Variants in RBPJ observed in about 807,000 individuals in gnomAD.
RBPJ encodes the protein recombining binding protein suppressor of hairless.
Under a neutral mutation model 67.8 loss-of-function variants are expected in RBPJ, and 9 were observed. That is an observed-to-expected ratio of 0.13 (90% CI 0.08 to 0.23). RBPJ has a LOEUF of 0.23. Among genes scored for constraint, RBPJ ranks in the 10% least tolerant of loss-of-function variants. The probability of loss-of-function intolerance (pLI) is 1.00; values close to 1 mark genes in which losing one functional copy is unlikely to be tolerated. For missense variants in RBPJ, 305 were observed against 595.6 expected (o/e 0.51, Z 5.08); for synonymous variants, 198 against 203.3 (o/e 0.97, Z 0.22).
At chr4:26,145,301 G>A in the RBPJ span, among the ~76,000 whole-genome samples, 3 of 152,094 alleles carry the variant, frequency 2.0e-5, no homozygotes, top group Non-Finnish European at 2.9e-5. Flanking sequence ...GCCATTTAGT[G>A]TTTAAAAACC....
intron 3 of RBPJ, among the ~76,000 whole-genome samples, chr4:26,409,080 A>G (rs1038982446): frequency 1.3e-5 from 2 of 152,168 alleles, no homozygotes; most frequent in African/African-American, 4.8e-5. Flanking sequence ...AATTGAATTC[A>G]CTTATTCTTT....
chr4:26,126,669 A>G, the RBPJ span, among the ~76,000 whole-genome samples: 1 of 152,174 alleles, frequency 6.6e-6, no homozygotes, highest in Non-Finnish European at 1.5e-5. Flanking sequence ...TCATCCCAAT[A>G]TATTCATTTA....
the RBPJ span, among the ~76,000 whole-genome samples, chr4:26,114,915 G>A: frequency 6.6e-6 from 1 of 152,048 alleles, no homozygotes; most frequent in Non-Finnish European, 1.5e-5. Context: ...TAAAAACAAA[G>A]GTAATAAATA....
intron 2 of RBPJ, among the ~76,000 whole-genome samples, chr4:26,400,884 AG>A (rs1307183209): frequency 6.6e-6 from 1 of 152,242 alleles, no homozygotes; most frequent in African/African-American, 2.4e-5. Flanking sequence ...CCTAGAATAT[AG>A]TAAGCTTCCA....
intron 1 of RBPJ, chr4:26,362,526 A>G (rs1337535390): frequency 3.1e-6 from 5 of 1,588,950 alleles, no homozygotes; most frequent in African/African-American, 1.4e-5. Context: ...CGAAAGGAGA[A>G]TGATACAGAT....
the RBPJ span, among the ~76,000 whole-genome samples, chr4:26,140,481 G>A: frequency 2.6e-5 from 4 of 152,268 alleles, no homozygotes; most frequent in African/African-American, 7.2e-5. Context: ...TCCTCCCTGC[G>A]TTGATTCTAT....
intron 1 of RBPJ, among the ~76,000 whole-genome samples, chr4:26,209,116 A>T (rs953764497): frequency 6.4e-5 from 9 of 141,470 alleles, no homozygotes; most frequent in Non-Finnish European, 1.1e-4. Context: ...TATATATATA[A>T]AAGCATTTAC....
At chr4:26,143,338 G>T in the RBPJ span, among the ~76,000 whole-genome samples, 2 of 152,146 alleles carry the variant, frequency 1.3e-5, no homozygotes, top group Non-Finnish European at 2.9e-5. Context: ...TTCTTAACAG[G>T]TAAGTTGTAT....
the RBPJ span, among the ~76,000 whole-genome samples, chr4:26,121,879 T>C: frequency 7.0e-6 from 1 of 142,558 alleles, no homozygotes; most frequent in Admixed American, 6.9e-5. Context: ...CTCTCTTTTT[T>C]TTTTTTTTTT....
chr4:26,295,089 C>T (rs1453188487), intron 1 of RBPJ, among the ~76,000 whole-genome samples: 2 of 151,954 alleles, frequency 1.3e-5, no homozygotes, highest in South Asian at 4.2e-4. Flanking sequence ...GGCTTTGGGA[C>T]AAAGAGCCGT....
intron 2 of RBPJ, among the ~76,000 whole-genome samples, chr4:26,401,546 C>G (rs1413795477): frequency 6.6e-6 from 1 of 152,146 alleles, no homozygotes; most frequent in African/African-American, 2.4e-5. Context: ...GTGACTGCCT[C>G]GGATATTATC....
chr4:26,291,607 C>T (rs919389725), intron 1 of RBPJ, among the ~76,000 whole-genome samples: 4 of 149,064 alleles, frequency 2.7e-5, no homozygotes, highest in African/African-American at 7.4e-5. Flanking sequence ...GATGGAGTCT[C>T]GCTCTGTCGC....
intron 2 of RBPJ, among the ~76,000 whole-genome samples, chr4:26,393,020 A>T (rs888720507): frequency 6.6e-6 from 1 of 151,852 alleles, no homozygotes; most frequent in Non-Finnish European, 1.5e-5. Context: ...GCTAATTTTT[A>T]ATTTTTAGAA....
intron 1 of RBPJ, among the ~76,000 whole-genome samples, chr4:26,325,003 G>A (rs1723470618): frequency 6.6e-6 from 1 of 152,032 alleles, no homozygotes; most frequent in Non-Finnish European, 1.5e-5. Context: ...TTTGACTCTT[G>A]GCCTTAGAAA....
rs1170831223 is a variant in RBPJ, at chr4:26,385,168, G to C, written c.21-1185G>C. On this transcript the variant is annotated intron_variant, in intron 1 of 10. Coordinates refer to ENST00000355476, the MANE Select transcript of RBPJ (RefSeq NM_015874.6). Reference sequence around the variant, plus strand: ...CCCAAGTAGCTGGGATTACAGGCGCGTGCCACCACACCCGGCTAATTTTTG... The same window carrying C: ...CCCAAGTAGCTGGGATTACAGGCGCCTGCCACCACACCCGGCTAATTTTTG... Among the ~76,000 whole-genome samples the C allele has an allele frequency of 1.1e-4, 16 of 149,794 alleles. 1 individual carries two copies. Among genetic ancestry groups the C allele is most frequent in the African/African-American group, 3.9e-4 (16 of 40,544 alleles).
chr4:26,359,552 G>C (rs1413418599), intron 1 of RBPJ: 1 of 151,970 alleles, frequency 6.6e-6, no homozygotes, highest in African/African-American at 2.4e-5. Flanking sequence ...TGGCTGGGAC[G>C]CCCCTGCTGC....
At chr4:26,236,026 G>A (rs1023742252) in intron 1 of RBPJ, among the ~76,000 whole-genome samples, 1 of 152,230 alleles carries the variant, frequency 6.6e-6, no homozygotes, top group Non-Finnish European at 1.5e-5. Flanking sequence ...AGGAGCTGAA[G>A]TTCATGAGAG....
upstream of RBPJ, chr4:26,320,788 A>G: frequency 6.4e-7 from 1 of 1,555,516 alleles, no homozygotes; most frequent in Non-Finnish European, 8.7e-7. Flanking sequence ...CCCGCGGAGG[A>G]GCCGCCTGCG....
intron 1 of RBPJ, among the ~76,000 whole-genome samples, chr4:26,339,246 T>C (rs1227171270): frequency 6.6e-6 from 1 of 152,148 alleles, no homozygotes; most frequent in Non-Finnish European, 1.5e-5. Context: ...CATAGTTTGG[T>C]GAGGGAGGTA....
Sources: gnomAD v4.1 joint callset for allele counts (sites outside exome capture counted in the v4.1 genomes callset) on GRCh38, gnomAD v4.1.1 for gene constraint, MANE v1.5 for transcripts, NCBI Gene and HGNC (gene_info 2026-07-23, HGNC 2026-07-21) for gene names.